The following CLIC1 variants were observed in gnomAD, a reference collection of about 807,000 sequenced individuals.
CLIC1 encodes the protein chloride intracellular channel protein 1.
Under a neutral mutation model 26.4 loss-of-function variants are expected in CLIC1, and 16 were observed. The observed-to-expected ratio is 0.61, with a 90% CI of 0.41 to 0.92. CLIC1 has a LOEUF of 0.92. Ranked by LOEUF, CLIC1 falls within the 40% of genes least tolerant of loss-of-function variation. The probability of loss-of-function intolerance (pLI) is 0.00; values close to 1 mark genes in which losing one functional copy is unlikely to be tolerated. For synonymous variants in CLIC1, 98 were observed against 120.8 expected, an observed-to-expected ratio of 0.81 and a Z score of 1.24; for missense variants, 225 against 289.7, an observed-to-expected ratio of 0.78 and a Z score of 1.62.
rs763243585 is a variant in CLIC1, at chr6:31,733,830, C to A, written c.275+6G>T. ...CCACCTCTCCACTTTCTGAGTGCCC[C>A]TATACCTGGGAGGGCACAGCACTGC... is the stretch of plus-strand genomic sequence containing the variant. On this transcript the variant is annotated splice_donor_region_variant and intron_variant, in intron 3 of 5. Transcript: ENST00000375784. The surrounding 1 kb of genome is among the most constrained non-coding windows in gnomAD (Gnocchi z 5.4). 6.2e-7 allele frequency: 1 copy of A among 1,614,138 alleles called. No homozygotes were observed. Among genetic ancestry groups the A allele is most frequent in the East Asian group, 2.2e-5 (1 of 44,888 alleles).
rs1562198429 is a variant in CLIC1 at position 31,733,924 on chromosome 6, GC to G, written c.186del (p.Gln63SerfsTer37). The G allele has an allele frequency of 1.9e-6, 3 of 1,613,912 alleles. No individual in the cohort carries two copies. Among genetic ancestry groups the G allele is most frequent in the Non-Finnish European group, 2.5e-6 (3 of 1,179,966 alleles). On this transcript the variant is annotated frameshift_variant, in exon 3 of 6. Coordinates refer to ENST00000375784, the Ensembl canonical transcript of CLIC1. LOFTEE classifies it high-confidence loss of function. This position sits in a 1 kb window ranked among gnomAD's most constrained non-coding sequence, Gnocchi z 5.4. Reference sequence around the variant, plus strand: ...GTGCCATACAGCAGGAATGGGAGCTGCCCCCCTGGGCACAGCTTCTGCACTG... The same window carrying G: ...GTGCCATACAGCAGGAATGGGAGCTGCCCCCTGGGCACAGCTTCTGCACTG...
In CLIC1 at chr6:31,732,471, G is replaced by A; in HGVS notation, c.383-73C>T. The A allele has an allele frequency of 1.8e-6, 2 of 1,119,744 alleles. No homozygotes were observed. Among genetic ancestry groups the A allele is most frequent in the Non-Finnish European group, 2.4e-6 (2 of 827,510 alleles). The allele number at this position is 1,119,744 out of a possible 1,614,324, so 69.4% of individuals were successfully genotyped here. A position where few individuals can be genotyped will look rare whatever the true frequency, so the allele number is the denominator to read the frequency against. ...AGTCCGAAAAGGCCCGTTGGGGGTG[G>A]ATACTAATGGTGAGTCCAAAATAAT... On this transcript the variant is annotated intron_variant, in intron 4 of 5. Coordinates refer to ENST00000375784, the Ensembl canonical transcript of CLIC1. The surrounding 1 kb of genome is among the most constrained non-coding windows in gnomAD (Gnocchi z 5.0).
At chr6:31,735,977 C>A (rs1025427655) in intron 1 of CLIC1, among the ~76,000 whole-genome samples, 2 of 152,144 alleles carry the variant, frequency 1.3e-5, no homozygotes, top group African/African-American at 4.8e-5. Context: ...TCTAACCCCA[C>A]CCCAGTCTCA....
chr6:31,730,980 TC>T lies in CLIC1; in HGVS notation c.587del (p.Gly196AspfsTer15). 6.2e-7 allele frequency: 1 copy of T among 1,612,830 alleles called. No homozygotes were observed. Among genetic ancestry groups the T allele is most frequent in the East Asian group, 2.2e-5 (1 of 44,872 alleles). ...CCCGGAAGGCCTCGGGGATGGTGAATCCCCGGTACTTCTTACACACCACCTG... is the reference window on the plus strand; with the variant it reads ...CCCGGAAGGCCTCGGGGATGGTGAATCCCGGTACTTCTTACACACCACCTG... On this transcript the variant is annotated frameshift_variant, in exon 6 of 6. Coordinates refer to ENST00000375784, the Ensembl canonical transcript of CLIC1. LOFTEE classifies it high-confidence loss of function. This position sits in a 1 kb window ranked among gnomAD's most constrained non-coding sequence, Gnocchi z 5.1.
At position 31,734,237 on chromosome 6, in the gene CLIC1, C is replaced by T. The variant is rs995765939; in HGVS notation, c.66G>A (p.Gly22=). The change falls in exon 2 of 6, where the codon GGG becomes GGA. Residue 22 remains glycine (G), a synonymous_variant. Coordinates refer to ENST00000375784, the Ensembl canonical transcript of CLIC1. This position sits in a 1 kb window ranked among gnomAD's most constrained non-coding sequence, Gnocchi z 5.3. ...ACAGTCTCTGGGAGAATGGGCAGTTCCCAATCTTGGCCCCATCACTGCCAG... is the reference window on the plus strand; with the variant it reads ...ACAGTCTCTGGGAGAATGGGCAGTTTCCAATCTTGGCCCCATCACTGCCAG... 1 of 1,614,156 alleles carries T rather than the reference C, an allele frequency of 6.2e-7. No homozygotes were observed. Among genetic ancestry groups the T allele is most frequent in the Non-Finnish European group, 8.5e-7 (1 of 1,180,022 alleles).
chr6:31,732,159 G>C lies in CLIC1; in HGVS notation c.564+58C>G. ...GTGGTTGTCAGGGGAAGCCCATGTG[G>C]GAGCTCCTTAAAGGGCCACTCCAGT... is the stretch of plus-strand genomic sequence containing the variant. On this transcript the variant is annotated intron_variant, in intron 5 of 5. Coordinates refer to ENST00000375784, the Ensembl canonical transcript of CLIC1. The surrounding 1 kb of genome is among the most constrained non-coding windows in gnomAD (Gnocchi z 5.0). The C allele has an allele frequency of 7.6e-7, 1 of 1,313,896 alleles. No homozygotes were observed. Among genetic ancestry groups the C allele is most frequent in the Non-Finnish European group, 9.9e-7 (1 of 1,005,918 alleles). 81.4% of individuals were successfully genotyped at this position (1,313,896 alleles called of 1,614,324 possible). A position where few individuals can be genotyped will look rare whatever the true frequency, so the allele number is the denominator to read the frequency against.
chr6:31,734,962 G>A lies in CLIC1; in HGVS notation c.40-699C>T, dbSNP rs1808230005. ...CAGGGTCTCCCAGCACAAGTCCTCT[G>A]ACTGCAATAACCATCCTCTCACAGG... On this transcript the variant is annotated intron_variant, in intron 1 of 5. Coordinates refer to ENST00000375784, the Ensembl canonical transcript of CLIC1. The surrounding 1 kb of genome is among the most constrained non-coding windows in gnomAD (Gnocchi z 5.3). 1.3e-5 allele frequency among the ~76,000 whole-genome samples: 2 copies of A among 152,018 alleles called. No homozygotes were observed. The highest frequency in any genetic ancestry group is 1.3e-4 in the Admixed American group (2 of 15,264).
intron 1 of CLIC1, among the ~76,000 whole-genome samples, chr6:31,735,301 T>G (rs890146043): frequency 8.7e-5 from 13 of 149,390 alleles, no homozygotes; most frequent in Admixed American, 3.3e-4. Flanking sequence ...GAGGACACTG[T>G]TAAGGAAGGG....
chr6:31,735,158 G>C (rs1212265303), intron 1 of CLIC1, among the ~76,000 whole-genome samples: 1 of 151,326 alleles, frequency 6.6e-6, no homozygotes, highest in Non-Finnish European at 1.5e-5. Context: ...AAGCAGAAGG[G>C]AGAGGGAGAC....
chr6:31,731,093 C>A, intron 5 of CLIC1, 90 bp from the exon 6 acceptor site: 1 of 1,110,798 alleles, frequency 9.0e-7, no homozygotes. Context: ...ATGATAAAAC[C>A]AGCTCAACTC....
At position 31,736,198 on chromosome 6, in the gene CLIC1, A is replaced by C; in HGVS notation, c.39+64T>G. The C allele has an allele frequency of 6.4e-7, 1 of 1,559,570 alleles. No homozygotes were observed. The highest frequency in any genetic ancestry group is 8.8e-7 in the Non-Finnish European group (1 of 1,131,760). On this transcript the variant is annotated intron_variant, in intron 1 of 5. Transcript: ENST00000375784. The surrounding 1 kb of genome is among the most constrained non-coding windows in gnomAD (Gnocchi z 5.0). ...GAAGGGATTGGGGAGTTAAGGCTGG[A>C]CCGGGGGAAAGGTGAGAGTTGGCTT...
Position 31,732,180 on chromosome 6 carries a change from C to G in CLIC1, c.564+37G>C, listed in dbSNP as rs763468463. ...TGTGGGAGCTCCTTAAAGGGCCACT[C>G]CAGTGGTCATCCTCTCCTCCCGCAA... On this transcript the variant is annotated intron_variant, in intron 5 of 5. Coordinates refer to ENST00000375784, the Ensembl canonical transcript of CLIC1. The surrounding 1 kb of genome is among the most constrained non-coding windows in gnomAD (Gnocchi z 5.0). 1 of 1,408,656 alleles carries G rather than the reference C, an allele frequency of 7.1e-7. No individual in the cohort carries two copies. Among genetic ancestry groups the G allele is most frequent in the East Asian group, 2.7e-5 (1 of 36,996 alleles). The allele number at this position is 1,408,656 out of a possible 1,614,324, so 87.3% of individuals were successfully genotyped here.
At chr6:31,737,205 C>G (rs1808385905), upstream of CLIC1, 1 of 152,308 alleles carries the variant, frequency 6.6e-6, no homozygotes, top group Admixed American at 6.5e-5. Context: ...GGGTGGATCA[C>G]CTGAGGTCAG....
chr6:31,730,947 A>ATGCACTCCCCGGAAGGCC lies in CLIC1; in HGVS notation c.603_620dup (p.Val206_His207insGlnAlaPheArgGlyVal). 6 of 1,612,988 alleles carry ATGCACTCCCCGGAAGGCC rather than the reference A, an allele frequency of 3.7e-6. No individual in the cohort carries two copies. Among genetic ancestry groups the ATGCACTCCCCGGAAGGCC allele is most frequent in the Non-Finnish European group, 5.1e-6 (6 of 1,180,014 alleles). On this transcript the variant is annotated inframe_insertion, in exon 6 of 6. Coordinates refer to ENST00000375784, the Ensembl canonical transcript of CLIC1. The surrounding 1 kb of genome is among the most constrained non-coding windows in gnomAD (Gnocchi z 5.1). ...GGGCGTAGGCATTGCTCAAGTACCG[A>ATGCACTCCCCGGAAGGCC]TGCACTCCCCGGAAGGCCTCGGGGA... is the stretch of plus-strand genomic sequence containing the variant.
At chr6:31,736,600 A>T, upstream of CLIC1, 1 of 1,285,552 alleles carries the variant, frequency 7.8e-7, no homozygotes, top group Non-Finnish European at 9.9e-7. This position sits in a 1 kb window ranked among gnomAD's most constrained non-coding sequence, Gnocchi z 5.0. Flanking sequence ...GGACTCGACG[A>T]TGTAGGGAGT....
chr6:31,731,110 G>A, intron 5 of CLIC1, 107 bp from the exon 6 acceptor site: 1 of 883,334 alleles, frequency 1.1e-6, no homozygotes, highest in Non-Finnish European at 1.7e-6. Context: ...ACTCCTCACT[G>A]TCTTGTACTG....
In CLIC1 at chr6:31,732,840, C is replaced by T. The variant is rs910954874; in HGVS notation, c.383-442G>A. On this transcript the variant is annotated intron_variant, in intron 4 of 5. Transcript: ENST00000375784. The surrounding 1 kb of genome is among the most constrained non-coding windows in gnomAD (Gnocchi z 5.0). ...TTACATTTTACAAACTCATTTATAT[C>T]GCCGGGTGCAGTGGCTCACTCCTGT... Among the ~76,000 whole-genome samples, 5 of 150,748 alleles carry T rather than the reference C, an allele frequency of 3.3e-5. No homozygotes were observed. The highest frequency in any genetic ancestry group is 2.0e-4 in the East Asian group (1 of 4,914).
chr6:31,734,091 G>A lies in CLIC1; in HGVS notation c.149+63C>T, dbSNP rs569618430. 1.9e-6 allele frequency: 3 copies of A among 1,581,024 alleles called. No individual in the cohort carries two copies. The South Asian group carries it at 3.3e-5, about 17-fold the overall frequency. On this transcript the variant is annotated intron_variant, in intron 2 of 5. Coordinates refer to ENST00000375784, the Ensembl canonical transcript of CLIC1. The surrounding 1 kb of genome is among the most constrained non-coding windows in gnomAD (Gnocchi z 5.3). ...AAATGTTCATGACAGAAGGACTCGG[G>A]TGGGTGTGTGTTTGCACACATGTGT...
rs9380267 is a variant in CLIC1, at chr6:31,734,738, G to A, written c.40-475C>T. Among the ~76,000 whole-genome samples the A allele has an allele frequency of 2.2e-4, 33 of 149,644 alleles. 1 individual carries two copies. In the South Asian group the frequency reaches 4.4e-3, roughly 20 times the overall value. ...GTCTAGTCAAGGGGCCCTGGGCCTC[G>A]CGCTAGAGATGTGGAGGGCCCTACA... On this transcript the variant is annotated intron_variant, in intron 1 of 5. Coordinates refer to ENST00000375784, the Ensembl canonical transcript of CLIC1. This position sits in a 1 kb window ranked among gnomAD's most constrained non-coding sequence, Gnocchi z 5.3.
Sources: allele counts gnomAD v4.1 joint callset (sites outside exome capture counted in the v4.1 genomes callset), GRCh38; gene constraint gnomAD v4.1.1; non-coding constraint Gnocchi (gnomAD v3.1); transcripts MANE v1.5; gene names NCBI Gene and HGNC (gene_info 2026-07-23, HGNC 2026-07-21).